TMEM135: variants seen among roughly 807,000 people sequenced by gnomAD.
TMEM135 encodes transmembrane protein 135.
A neutral mutation model predicts 60.3 loss-of-function variants in TMEM135; 30 were observed. That is an observed-to-expected ratio of 0.50 (90% CI 0.37 to 0.68). The LOEUF is 0.68. Ranked by LOEUF, TMEM135 falls within the 30% of genes least tolerant of loss-of-function variation. TMEM135 has a pLI of 0.00. For missense variants in TMEM135, 468 were observed against 548.8 expected, an observed-to-expected ratio of 0.85 and a Z score of 1.47; for synonymous variants, 190 against 186.7, an observed-to-expected ratio of 1.02 and a Z score of -0.14.
At chr11:87,269,188 T>TC (rs1266207424) in intron 6 of TMEM135, among the ~76,000 whole-genome samples, 1 of 151,176 alleles carries the variant, frequency 6.6e-6, no homozygotes, top group Non-Finnish European at 1.5e-5. Flanking sequence ...GCTTAGAGTT[T>TC]CCCCCCTACT....
At chr11:87,284,381 C>A (rs1424820368) in intron 6 of TMEM135, among the ~76,000 whole-genome samples, 3 of 152,166 alleles carry the variant, frequency 2.0e-5, no homozygotes, top group African/African-American at 7.2e-5. Context: ...CATGACCTTC[C>A]TAGTTTGGAC....
chr11:87,135,562 G>A (rs1039714810), intron 4 of TMEM135, among the ~76,000 whole-genome samples: 1 of 149,410 alleles, frequency 6.7e-6, no homozygotes, highest in African/African-American at 2.5e-5. Context: ...ATATATGTGG[G>A]TCTCTTTCTG....
At chr11:87,134,256 A>C (rs1938022876) in intron 4 of TMEM135, among the ~76,000 whole-genome samples, 1 of 152,078 alleles carries the variant, frequency 6.6e-6, no homozygotes, top group Non-Finnish European at 1.5e-5. Flanking sequence ...CCTGTGTCTA[A>C]ATATTTTCTT....
intron 4 of TMEM135, among the ~76,000 whole-genome samples, chr11:87,144,612 T>A (rs1938355831): frequency 6.6e-6 from 1 of 152,158 alleles, no homozygotes; most frequent in Non-Finnish European, 1.5e-5. Context: ...TCATTTGTAA[T>A]GAAGAAAGTA....
chr11:87,061,819 A>G (rs570955872), intron 1 of TMEM135, among the ~76,000 whole-genome samples: 76 of 152,204 alleles, frequency 5.0e-4, no homozygotes, highest in Admixed American at 9.8e-4. Flanking sequence ...TAATAGTGAT[A>G]ATCTTATGAA....
In TMEM135 at chr11:87,321,181, C is replaced by A; in HGVS notation, c.1245-20C>A. The A allele has an allele frequency of 6.2e-7, 1 of 1,600,626 alleles. No homozygotes were observed. Among genetic ancestry groups the A allele is most frequent in the Non-Finnish European group, 8.6e-7 (1 of 1,168,096 alleles). On this transcript the variant is annotated intron_variant, in intron 14 of 14. Coordinates refer to ENST00000305494, the MANE Select transcript of TMEM135 (RefSeq NM_022918.4). ...TATAAACTATATTAATACTTGTTTA[C>A]TGTATTCTTTGTTTTACAGATTTGC...
intron 6 of TMEM135, among the ~76,000 whole-genome samples, chr11:87,257,603 T>C (rs1941554584): frequency 6.6e-6 from 1 of 152,192 alleles, no homozygotes; most frequent in Admixed American, 6.5e-5. Context: ...ATGTTAGTTG[T>C]TTTTATTATT....
At chr11:87,086,858 C>T (rs1857107278) in intron 3 of TMEM135, among the ~76,000 whole-genome samples, 1 of 152,158 alleles carries the variant, frequency 6.6e-6, no homozygotes, top group South Asian at 2.1e-4. Flanking sequence ...TAGGATTTCA[C>T]CAGGGACCCA....
At chr11:87,222,513 T>A (rs301584) in intron 5 of TMEM135, among the ~76,000 whole-genome samples, 115,330 of 147,094 alleles carry the variant, frequency 0.78, 45,717 homozygotes, top group Non-Finnish European at 0.83. Context: ...AAAAAAAAAA[T>A]AATTACTGGG....
At chr11:87,309,930 T>G (rs750155988) in intron 10 of TMEM135, among the ~76,000 whole-genome samples, 17 of 152,316 alleles carry the variant, frequency 1.1e-4, no homozygotes, top group Non-Finnish European at 2.1e-4. Context: ...AGACTCATTT[T>G]CTTTTTCAAT....
chr11:87,046,699 G>T (rs1949799546), intron 1 of TMEM135, among the ~76,000 whole-genome samples: 1 of 152,220 alleles, frequency 6.6e-6, no homozygotes, highest in South Asian at 2.1e-4. Context: ...TTGAGCCCAT[G>T]ATTATGGGTT....
At chr11:87,166,280 A>G (rs1208643472) in intron 5 of TMEM135, among the ~76,000 whole-genome samples, 1 of 151,376 alleles carries the variant, frequency 6.6e-6, no homozygotes, top group Non-Finnish European at 1.5e-5. Context: ...ATGATAGTTT[A>G]TTTTGCTGTG....
chr11:87,309,399 T>G, intron 9 of TMEM135, 106 bp from the exon 10 acceptor site: 6 of 1,180,164 alleles, frequency 5.1e-6, no homozygotes, highest in East Asian at 2.4e-5. Context: ...TAAACTTAGA[T>G]TAAATTTGTT....
chr11:87,049,480 G>A (rs1346137672), intron 1 of TMEM135, among the ~76,000 whole-genome samples: 2 of 119,396 alleles, frequency 1.7e-5, no homozygotes, highest in African/African-American at 3.2e-5. Flanking sequence ...GATCTACCAA[G>A]CAAATGGAAA....
At chr11:87,206,949 A>G (rs1181978643) in intron 5 of TMEM135, among the ~76,000 whole-genome samples, 2 of 152,198 alleles carry the variant, frequency 1.3e-5, no homozygotes, top group African/African-American at 4.8e-5. Flanking sequence ...GTAAGATTAA[A>G]AAAAATTATC....
rs1280625483 is a variant in TMEM135, at chr11:87,037,939, G to A, written c.-107G>A. On this transcript the variant is annotated 5_prime_UTR_variant, in exon 1 of 15. Coordinates refer to ENST00000305494, the MANE Select transcript of TMEM135 (RefSeq NM_022918.4). ...TCTCGTGACCTTTCCCCTCCATTCC[G>A]CACCTCCGAGTGCTGGCCGGGCGAG... is the stretch of plus-strand genomic sequence containing the variant. The A allele has an allele frequency of 3.3e-6, 5 of 1,532,770 alleles. No homozygotes were observed. The highest frequency in any genetic ancestry group is 3.6e-6 in the Non-Finnish European group (4 of 1,117,310). The allele number at this position is 1,532,770 out of a possible 1,614,324, so 94.9% of individuals were successfully genotyped here.
chr11:87,290,160 A>G (rs1035925671), intron 6 of TMEM135, among the ~76,000 whole-genome samples: 2 of 152,204 alleles, frequency 1.3e-5, no homozygotes, highest in Non-Finnish European at 2.9e-5. Flanking sequence ...AAATCTTAGA[A>G]ATCAAAATAG....
chr11:87,148,296 C>T (rs1303315376), intron 4 of TMEM135, among the ~76,000 whole-genome samples: 3 of 152,252 alleles, frequency 2.0e-5, no homozygotes, highest in South Asian at 2.1e-4. Context: ...ATCTCTTTAG[C>T]AGAGGTCAAA....
At chr11:87,123,700 C>T (rs1937643422) in intron 4 of TMEM135, among the ~76,000 whole-genome samples, 1 of 152,108 alleles carries the variant, frequency 6.6e-6, no homozygotes, top group African/African-American at 2.4e-5. Context: ...TTGCTTATTC[C>T]TGCTCTAGCC....
Sources: gnomAD v4.1 joint callset for allele counts (sites outside exome capture counted in the v4.1 genomes callset) on GRCh38, gnomAD v4.1.1 for gene constraint, MANE v1.5 for transcripts, NCBI Gene and HGNC (gene_info 2026-07-23, HGNC 2026-07-21) for gene names.